OCIAD2: variants seen among roughly 807,000 people sequenced by gnomAD.
OCIAD2 encodes OCIA domain containing 2.
A neutral mutation model predicts 22.9 loss-of-function variants in OCIAD2; 29 were observed. That is an observed-to-expected ratio of 1.27 (90% CI 0.94 to 1.73). The LOEUF is 1.73. OCIAD2 is among the 40% of genes most tolerant of loss of function. The pLI is 0.00. For missense variants in OCIAD2, 189 were observed against 180.3 expected, an observed-to-expected ratio of 1.05 and a Z score of -0.28; for synonymous variants, 67 against 60.2, an observed-to-expected ratio of 1.11 and a Z score of -0.52.
intron 5 of OCIAD2, chr4:48,893,718 C>A (rs1165741598): frequency 5.7e-5 from 12 of 209,260 alleles, no homozygotes; most frequent in African/African-American, 9.2e-5. Flanking sequence ...GTTGAGTGAA[C>A]TAAGAAATGC....
At position 48,885,291 on chromosome 4, in the gene OCIAD2, G is replaced by A. The variant is rs1408139147; in HGVS notation, c.*193C>T. On this transcript the variant is annotated 3_prime_UTR_variant, in exon 7 of 7. Transcript: ENST00000508632. ...GGCATGAGCCACTGCGCCATGCCCC[G>A]ACATGTTCTTAAAGAGCAGAAAAAC... 11 of 550,526 alleles carry A rather than the reference G, an allele frequency of 2.0e-5. No individual in the cohort carries two copies. The East Asian group carries it at 2.2e-4, about 11-fold the overall frequency. 34.1% of individuals were successfully genotyped at this position (550,526 alleles called of 1,614,324 possible). A position where few individuals can be genotyped will look rare whatever the true frequency, so the allele number is the denominator to read the frequency against.
intron 2 of OCIAD2, among the ~76,000 whole-genome samples, chr4:48,902,531 C>T (rs1341626296): frequency 1.3e-5 from 2 of 152,196 alleles, no homozygotes; most frequent in Non-Finnish European, 2.9e-5. Flanking sequence ...CTCTCAGTCT[C>T]CACTTACCTT....
At chr4:48,902,664 A>G (rs1437660147) in intron 2 of OCIAD2, among the ~76,000 whole-genome samples, 1 of 152,170 alleles carries the variant, frequency 6.6e-6, no homozygotes, top group Non-Finnish European at 1.5e-5. Context: ...CACCCTGGCT[A>G]TCACAATTGC....
chr4:48,898,960 T>TA (rs1281905218), intron 3 of OCIAD2, among the ~76,000 whole-genome samples: 1 of 152,160 alleles, frequency 6.6e-6, no homozygotes, highest in African/African-American at 2.4e-5. Context: ...AGTGAAGTGT[T>TA]AATCTACTAG....
chr4:48,894,975 T>G (rs1781271068), intron 4 of OCIAD2, among the ~76,000 whole-genome samples: 1 of 152,198 alleles, frequency 6.6e-6, no homozygotes, highest in South Asian at 2.1e-4. Context: ...GATCAAGGTG[T>G]ACCCAATGTC....
At chr4:48,900,503 G>A (rs1336617668) in intron 2 of OCIAD2, among the ~76,000 whole-genome samples, 1 of 151,748 alleles carries the variant, frequency 6.6e-6, no homozygotes, top group Admixed American at 6.6e-5. Flanking sequence ...TATAAGTGGT[G>A]TGCACATAAT....
chr4:48,896,721 C>T (rs1560459689), intron 4 of OCIAD2, among the ~76,000 whole-genome samples: 1 of 151,976 alleles, frequency 6.6e-6, no homozygotes, highest in African/African-American at 2.4e-5. Context: ...ATTGCTTGAG[C>T]CCAACAGTTT....
At chr4:48,887,371 G>A (rs1203155579) in intron 6 of OCIAD2, among the ~76,000 whole-genome samples, 1 of 152,174 alleles carries the variant, frequency 6.6e-6, no homozygotes, top group Non-Finnish European at 1.5e-5. Context: ...TTTGGCTTTT[G>A]TTGCCATTGC....
At chr4:48,901,888 G>A (rs1378102605) in intron 2 of OCIAD2, among the ~76,000 whole-genome samples, 3 of 152,176 alleles carry the variant, frequency 2.0e-5, no homozygotes, top group Admixed American at 6.5e-5. Flanking sequence ...GACTATAGGT[G>A]CACACCATCA....
At chr4:48,902,370 G>A (rs1193550779) in intron 2 of OCIAD2, among the ~76,000 whole-genome samples, 2 of 152,150 alleles carry the variant, frequency 1.3e-5, no homozygotes, top group African/African-American at 4.8e-5. Flanking sequence ...TCAATAAAAG[G>A]GGTGGAGAAA....
intron 5 of OCIAD2, 60 bp from the exon 6 acceptor site, chr4:48,892,949 G>T: frequency 1.2e-6 from 1 of 831,464 alleles, no homozygotes; most frequent in Non-Finnish European, 1.9e-6. Flanking sequence ...ATTTTCTAGA[G>T]CTTTAAAAAT....
At chr4:48,885,665 T>C in intron 6 of OCIAD2, 100 bp from the exon 7 acceptor site, 1 of 696,972 alleles carries the variant, frequency 1.4e-6, no homozygotes, top group East Asian at 2.8e-5. Flanking sequence ...ATAATCTTTT[T>C]AATAGAGATG....
intron 4 of OCIAD2, among the ~76,000 whole-genome samples, chr4:48,895,176 G>C (rs534833488): frequency 1.3e-5 from 2 of 152,192 alleles, no homozygotes; most frequent in Non-Finnish European, 2.9e-5. Context: ...GCGACGCCTT[G>C]ATTTTAGCCC....
At chr4:48,891,475 A>T (rs949173382) in intron 6 of OCIAD2, among the ~76,000 whole-genome samples, 6 of 152,120 alleles carry the variant, frequency 3.9e-5, no homozygotes, top group Non-Finnish European at 5.9e-5. Flanking sequence ...ACCCCAGAAC[A>T]CAGAGCTTAA....
At position 48,885,441 on chromosome 4, in the gene OCIAD2, A is replaced by T. The variant is rs775152110; in HGVS notation, c.*43T>A. ...ACACTTGAAATTTTAAATGTGTACA[A>T]ATTCAGAGGTTTAAAAAACTTCGAA... On this transcript the variant is annotated 3_prime_UTR_variant, in exon 7 of 7. Transcript: ENST00000508632. 3.9e-6 allele frequency: 4 copies of T among 1,023,564 alleles called. No homozygotes were observed. The highest frequency in any genetic ancestry group is 3.7e-5 in the Admixed American group (2 of 54,278). 63.4% of individuals were successfully genotyped at this position (1,023,564 alleles called of 1,614,324 possible).
chr4:48,904,436 G>T, intron 2 of OCIAD2, 48 bp downstream of exon 2: 1 of 1,511,054 alleles, frequency 6.6e-7, no homozygotes, highest in Non-Finnish European at 9.2e-7. Context: ...GTGACAGTGT[G>T]AGATCGTGTC....
rs1781336147 is a variant in OCIAD2 at position 48,897,912 on chromosome 4, T to G, written c.164-55A>C. Reference sequence around the variant, plus strand: ...GTATTTTAAAAATTGGCACCTCACCTAGAAGTTAGGGAAAATTATTCTGAG... The same window carrying G: ...GTATTTTAAAAATTGGCACCTCACCGAGAAGTTAGGGAAAATTATTCTGAG... On this transcript the variant is annotated intron_variant, in intron 3 of 6. Transcript: ENST00000508632. The G allele has an allele frequency of 8.0e-6, 10 of 1,251,206 alleles. No homozygotes were observed. In the South Asian group the frequency reaches 1.1e-4, roughly 14 times the overall value. The allele number at this position is 1,251,206 out of a possible 1,614,324, so 77.5% of individuals were successfully genotyped here.
At position 48,885,570 on chromosome 4, in the gene OCIAD2, A is replaced by C; in HGVS notation, c.384-5T>G. 1 of 1,564,400 alleles carries C rather than the reference A, an allele frequency of 6.4e-7. No homozygotes were observed. ...TCACAGGTAAGGAGGCAGTGCCTAG[A>C]AGAGAAGCAAAAATAGACAGCGGTT... On this transcript the variant is annotated splice_polypyrimidine_tract_variant and splice_region_variant and intron_variant, in intron 6 of 6. Coordinates refer to ENST00000508632, the MANE Select transcript of OCIAD2 (RefSeq NM_001014446.3).
intron 6 of OCIAD2, among the ~76,000 whole-genome samples, chr4:48,888,320 C>T (rs1781054805): frequency 6.6e-6 from 1 of 152,124 alleles, no homozygotes; most frequent in African/African-American, 2.4e-5. Flanking sequence ...TAATTGAATA[C>T]CCTTTATTTC....
Sources: gnomAD v4.1 joint callset for allele counts (sites outside exome capture counted in the v4.1 genomes callset) on GRCh38, gnomAD v4.1.1 for gene constraint, MANE v1.5 for transcripts, NCBI Gene and HGNC (gene_info 2026-07-23, HGNC 2026-07-21) for gene names.